FAM114A2: variants seen among roughly 807,000 people sequenced by gnomAD.
FAM114A2 encodes protein FAM114A2.
In FAM114A2, 53 loss-of-function variants were observed where a neutral mutation model predicts 58.4. The observed-to-expected ratio is 0.91, with a 90% CI of 0.73 to 1.14. The LOEUF is 1.14. Ranked by LOEUF, FAM114A2 falls within the 50% of genes most tolerant of loss-of-function variation. The probability of loss-of-function intolerance (pLI) is 0.00; values close to 1 mark genes in which losing one functional copy is unlikely to be tolerated. For missense variants in FAM114A2, 601 were observed against 581.1 expected, an observed-to-expected ratio of 1.03 and a Z score of -0.35; for synonymous variants, 228 against 211.4, an observed-to-expected ratio of 1.08 and a Z score of -0.68.
At chr5:154,002,178 T>C (rs1770017970) in intron 11 of FAM114A2, 73 bp downstream of exon 11, 1 of 1,424,606 alleles carries the variant, frequency 7.0e-7, no homozygotes, top group Non-Finnish European at 9.9e-7. Flanking sequence ...GAGAGACGTT[T>C]ATAAAACTTT....
intron 11 of FAM114A2, among the ~76,000 whole-genome samples, chr5:153,999,203 C>T (rs888590310): frequency 1.3e-5 from 2 of 152,112 alleles, no homozygotes; most frequent in Admixed American, 1.3e-4. Context: ...AGACATTTCT[C>T]AAAAGAAGAC....
At chr5:153,993,416 T>C (rs958920208) in intron 13 of FAM114A2, among the ~76,000 whole-genome samples, 1 of 152,196 alleles carries the variant, frequency 6.6e-6, no homozygotes. Flanking sequence ...CTTTATTGAG[T>C]AGGGTAGATT....
chr5:154,033,861 G>C lies in FAM114A2; in HGVS notation c.333C>G (p.Ile111Met), dbSNP rs371779814. The change falls in exon 4 of 14, where the codon ATC becomes ATG. Residue 111 changes from isoleucine to methionine, a missense_variant. Physicochemically the swap from Ile to Met is conservative, Grantham distance 10 (BLOSUM62 1). Transcript: ENST00000351797. ...ATVGQGISNV[I>M]EKAETSLGIP... ...TTCCAAGGGAAGTCTCTGCCTTCTC[G>C]ATGACATTTGAAATGCCTTGTCCTA... 5.8e-5 allele frequency: 93 copies of C among 1,609,188 alleles called. No individual in the cohort carries two copies. The highest frequency in any genetic ancestry group is 7.6e-5 in the Non-Finnish European group (89 of 1,176,272).
Position 154,028,287 on chromosome 5 carries a change from G to C in FAM114A2, c.496-4C>G. On this transcript the variant is annotated splice_polypyrimidine_tract_variant and splice_region_variant and intron_variant, in intron 5 of 13. Transcript: ENST00000351797. ...CCCCACTTATAACACTCTTTCCCTA[G>C]AAAATACATGCAACCTCATTACAAC... The C allele has an allele frequency of 6.3e-6, 10 of 1,577,510 alleles. No individual in the cohort carries two copies. Among genetic ancestry groups the C allele is most frequent in the Non-Finnish European group, 8.7e-6 (10 of 1,153,616 alleles).
intron 13 of FAM114A2, among the ~76,000 whole-genome samples, chr5:153,994,287 A>G (rs2113154342): frequency 6.6e-6 from 1 of 152,282 alleles, no homozygotes; most frequent in Non-Finnish European, 1.5e-5. Flanking sequence ...ACTTACATAA[A>G]CATGTTTTAA....
intron 8 of FAM114A2, among the ~76,000 whole-genome samples, chr5:154,011,574 A>C (rs1581790619): frequency 6.6e-6 from 1 of 152,322 alleles, no homozygotes; most frequent in East Asian, 1.9e-4. Flanking sequence ...TAAAGGCTTG[A>C]AGACATTAAG....
At chr5:153,996,084 A>G (rs532464159) in intron 12 of FAM114A2, among the ~76,000 whole-genome samples, 1 of 152,344 alleles carries the variant, frequency 6.6e-6, no homozygotes, top group Non-Finnish European at 1.5e-5. Context: ...CAAGGCCCCA[A>G]GCAGTCAAAA....
chr5:154,033,893 A>G lies in FAM114A2; in HGVS notation c.311-10T>C. The G allele has an allele frequency of 6.4e-7, 1 of 1,569,362 alleles. No individual in the cohort carries two copies. Among genetic ancestry groups the G allele is most frequent in the Non-Finnish European group, 8.7e-7 (1 of 1,150,326 alleles). The stretch of plus-strand genomic sequence containing the variant: ...TTTGAAATGCCTTGTCCTAATGAGA[A>G]AAATAACTTTTTTTTTTGCTATTTG... On this transcript the variant is annotated splice_polypyrimidine_tract_variant and intron_variant, in intron 3 of 13. Coordinates refer to ENST00000351797, the MANE Select transcript of FAM114A2 (RefSeq NM_018691.4).
Position 153,990,263 on chromosome 5 carries a change from T to A in FAM114A2, c.*2713A>T, listed in dbSNP as rs565718152. The A allele has an allele frequency of 6.6e-6, 1 of 152,172 alleles. No homozygotes were observed. The highest frequency in any genetic ancestry group is 1.9e-4 in the East Asian group (1 of 5,200). 9.4% of individuals were successfully genotyped at this position (152,172 alleles called of 1,614,324 possible). A position where few individuals can be genotyped will look rare whatever the true frequency, so the allele number is the denominator to read the frequency against. ...AAAATGTCTATTTCTCAAATGGAGA[T>A]ATCAATAGCAACTACCTATAAAATA... On this transcript the variant is annotated 3_prime_UTR_variant, in exon 14 of 14. Coordinates refer to ENST00000351797, the MANE Select transcript of FAM114A2 (RefSeq NM_018691.4).
intron 7 of FAM114A2, among the ~76,000 whole-genome samples, chr5:154,026,725 C>A (rs986272845): frequency 2.6e-5 from 4 of 151,998 alleles, no homozygotes; most frequent in African/African-American, 9.7e-5. Flanking sequence ...AAAAGTAATA[C>A]CAGCCAGAAA....
chr5:154,019,158 A>T (rs779987823), intron 8 of FAM114A2, among the ~76,000 whole-genome samples: 3 of 151,870 alleles, frequency 2.0e-5, no homozygotes, highest in Non-Finnish European at 4.4e-5. Flanking sequence ...AAAACTCTGA[A>T]GTCCTAGAAC....
At chr5:153,998,503 A>G (rs1581762849) in intron 11 of FAM114A2, among the ~76,000 whole-genome samples, 2 of 152,302 alleles carry the variant, frequency 1.3e-5, no homozygotes, top group East Asian at 3.9e-4. Context: ...GTCCCAGAGA[A>G]CACGTAGTTA....
chr5:154,008,284 G>A (rs1770474787), intron 9 of FAM114A2, among the ~76,000 whole-genome samples: 1 of 152,128 alleles, frequency 6.6e-6, no homozygotes, highest in African/African-American at 2.4e-5. Flanking sequence ...GGAGAGACCT[G>A]AGTATATTTT....
Position 154,034,981 on chromosome 5 carries a change from A to T in FAM114A2, c.-14-14T>A, listed in dbSNP as rs374401985. 1 of 1,507,624 alleles carries T rather than the reference A, an allele frequency of 6.6e-7. No homozygotes were observed. The highest frequency in any genetic ancestry group is 8.9e-7 in the Non-Finnish European group (1 of 1,124,182). 93.4% of individuals were successfully genotyped at this position (1,507,624 alleles called of 1,614,324 possible). On this transcript the variant is annotated splice_polypyrimidine_tract_variant and intron_variant, in intron 1 of 13. Coordinates refer to ENST00000351797, the MANE Select transcript of FAM114A2 (RefSeq NM_018691.4). ...TTAGAACATCAGCTGGTAAAATGAA[A>T]GCCCAAAAAAAATTTATATAGGCTT... is the stretch of plus-strand genomic sequence containing the variant.
At position 153,994,905 on chromosome 5, in the gene FAM114A2, A is replaced by G. The variant is rs1384829231; in HGVS notation, c.1383+14T>C. On this transcript the variant is annotated intron_variant, in intron 13 of 13. Transcript: ENST00000351797. ...AATACCTTTGGAGTCAGAGACTTAA[A>G]AACAATTACTAACCTCTAGAAATAC... 1 of 1,570,018 alleles carries G rather than the reference A, an allele frequency of 6.4e-7. No homozygotes were observed. The highest frequency in any genetic ancestry group is 2.2e-5 in the East Asian group (1 of 44,556).
chr5:154,019,971 T>G (rs754697211), intron 8 of FAM114A2, among the ~76,000 whole-genome samples: 2 of 152,102 alleles, frequency 1.3e-5, no homozygotes, highest in Non-Finnish European at 2.9e-5. Context: ...GCAATCAAAT[T>G]AGAACTCAGG....
rs749280125 is a variant in FAM114A2 at position 154,033,793 on chromosome 5, G to A, written c.401C>T (p.Ala134Val). 1 of 1,553,168 alleles carries A rather than the reference G, an allele frequency of 6.4e-7. No individual in the cohort carries two copies. The highest frequency in any genetic ancestry group is 1.1e-5 in the South Asian group (1 of 89,238). The change falls in exon 4 of 14, where the codon GCA becomes GTA. Residue 134 changes from alanine (A) to valine (V), a missense_variant and splice_region_variant. Transcript: ENST00000351797. ...SEISTEVKYV[A>V]GETNAKENEN... ...TCTTTATGTTTCCATATACTGACCT[G>A]CTACATACTTGACTTCAGTTGAAAT...
At chr5:154,022,928 C>A (rs1318300378) in intron 8 of FAM114A2, among the ~76,000 whole-genome samples, 1 of 152,178 alleles carries the variant, frequency 6.6e-6, no homozygotes, top group East Asian at 1.9e-4. Context: ...AAATGTGGCA[C>A]ATATACACCA....
At chr5:154,003,182 T>TTG (rs1401265196) in intron 9 of FAM114A2, among the ~76,000 whole-genome samples, 11 of 151,316 alleles carry the variant, frequency 7.3e-5, no homozygotes, top group African/African-American at 2.7e-4. Flanking sequence ...TGGTAGTATT[T>TTG]TTTTTTTTTT....
Sources: allele counts gnomAD v4.1 joint callset (sites outside exome capture counted in the v4.1 genomes callset), GRCh38; gene constraint gnomAD v4.1.1; transcripts MANE v1.5; gene names NCBI Gene and HGNC (gene_info 2026-07-23, HGNC 2026-07-21).